The following LHPP variants were observed in gnomAD, a reference collection of about 807,000 sequenced individuals.
The protein encoded by LHPP is phospholysine phosphohistidine inorganic pyrophosphate phosphatase.
In LHPP, 24 loss-of-function variants were observed where a neutral mutation model predicts 30.3. The ratio of observed to expected loss-of-function variants is 0.79; its 90% confidence interval spans 0.57 to 1.11. The LOEUF is 1.11. Among genes scored for constraint, LHPP ranks in the 50% most tolerant of loss-of-function variants. The probability of loss-of-function intolerance (pLI) is 0.00; values close to 1 mark genes in which losing one functional copy is unlikely to be tolerated. For missense variants in LHPP, 356 were observed against 367.2 expected, an observed-to-expected ratio of 0.97 and a Z score of 0.25; for synonymous variants, 150 against 157.1, an observed-to-expected ratio of 0.95 and a Z score of 0.34.
chr10:124,506,948 G>A (rs1263811857), intron 5 of LHPP, among the ~76,000 whole-genome samples: 4 of 36,030 alleles, frequency 1.1e-4, no homozygotes, highest in Non-Finnish European at 2.3e-4. Context: ...GGGGGGGTAG[G>A]GAGGATTTCA....
chr10:124,467,291 A>G (rs1053837113), intron 1 of LHPP, among the ~76,000 whole-genome samples: 2 of 150,854 alleles, frequency 1.3e-5, no homozygotes, highest in African/African-American at 2.4e-5. Context: ...AGCAGGACCT[A>G]TGGGACCTGC....
At chr10:124,486,059 C>T (rs2133852080) in intron 2 of LHPP, among the ~76,000 whole-genome samples, 1 of 152,370 alleles carries the variant, frequency 6.6e-6, no homozygotes, top group African/African-American at 2.4e-5. Context: ...CCCCTATACA[C>T]TTCAGCATAT....
At chr10:124,569,607 C>T (rs576244797) in intron 6 of LHPP, among the ~76,000 whole-genome samples, 164 of 152,284 alleles carry the variant, frequency 1.1e-3, no homozygotes, top group Admixed American at 2.5e-3. Context: ...CAGGATTTGC[C>T]GAGTGGCTTA....
In LHPP at chr10:124,496,755, C is replaced by T. The variant is rs533997082; in HGVS notation, c.468-206C>T. 2.4e-4 allele frequency among the ~76,000 whole-genome samples: 37 copies of T among 152,360 alleles called. No individual in the cohort carries two copies. Among genetic ancestry groups the T allele is most frequent in the Admixed American group, 6.5e-4 (10 of 15,306 alleles). On this transcript the variant is annotated intron_variant, in intron 3 of 6. Coordinates refer to ENST00000368842, the MANE Select transcript of LHPP (RefSeq NM_022126.4). This position sits in a 1 kb window ranked among gnomAD's most constrained non-coding sequence, Gnocchi z 4.3. ...CCCTGGAGCTGCTGGCTGCTGCGCT[C>T]GCCCCACTGGGTGTGGCGGCCTGCC...
At chr10:124,529,791 G>GCACA (rs749636848) in intron 6 of LHPP, among the ~76,000 whole-genome samples, 11 of 111,984 alleles carry the variant, frequency 9.8e-5, no homozygotes, top group Admixed American at 5.5e-4. Context: ...ACCAGCTCAT[G>GCACA]CACATACACA....
At chr10:124,588,382 C>T (rs563188962) in intron 6 of LHPP, among the ~76,000 whole-genome samples, 1 of 152,082 alleles carries the variant, frequency 6.6e-6, no homozygotes, top group Admixed American at 6.5e-5. Context: ...TTCTCCAGTT[C>T]AAGTGATTCT....
At chr10:124,554,125 G>A (rs1333575837) in intron 6 of LHPP, 19 of 932,452 alleles carry the variant, frequency 2.0e-5, no homozygotes, top group Non-Finnish European at 2.2e-5. Context: ...CAGCTGGGAC[G>A]ACCTGGGCCA....
At chr10:124,474,775 G>A (rs376583681) in intron 1 of LHPP, among the ~76,000 whole-genome samples, 3 of 152,242 alleles carry the variant, frequency 2.0e-5, no homozygotes, top group East Asian at 1.9e-4. Flanking sequence ...GTCACCGGGC[G>A]CTGCTGTAGC....
At chr10:124,611,100 T>C (rs1234116237) in intron 6 of LHPP, among the ~76,000 whole-genome samples, 1 of 151,534 alleles carries the variant, frequency 6.6e-6, no homozygotes, top group Non-Finnish European at 1.5e-5. Flanking sequence ...CCTACTTTGG[T>C]GTGTGCTCAT....
intron 6 of LHPP, among the ~76,000 whole-genome samples, chr10:124,547,251 C>A (rs1172587511): frequency 1.3e-5 from 2 of 152,170 alleles, no homozygotes; most frequent in African/African-American, 4.8e-5. Context: ...TTCCTGCAGT[C>A]CCCTGTTAAC....
At chr10:124,529,394 C>T (rs933897760) in intron 6 of LHPP, among the ~76,000 whole-genome samples, 32 of 151,992 alleles carry the variant, frequency 2.1e-4, no homozygotes, top group African/African-American at 7.2e-4. Context: ...CCACCACTCA[C>T]GAGCAGCCCA....
At chr10:124,612,631 A>G (rs1949216929) in intron 6 of LHPP, among the ~76,000 whole-genome samples, 1 of 152,194 alleles carries the variant, frequency 6.6e-6, no homozygotes, top group South Asian at 2.1e-4. Context: ...AGACCTCAGG[A>G]GATGCCTGGG....
At chr10:124,548,346 C>G (rs1264032611) in intron 6 of LHPP, among the ~76,000 whole-genome samples, 1 of 152,172 alleles carries the variant, frequency 6.6e-6, no homozygotes, top group Non-Finnish European at 1.5e-5. Context: ...CTCTTTCTAC[C>G]CGGAACCCCC....
chr10:124,565,539 G>T (rs1159710181), intron 6 of LHPP, among the ~76,000 whole-genome samples: 1 of 152,170 alleles, frequency 6.6e-6, no homozygotes, highest in African/African-American at 2.4e-5. Context: ...ATCAATAGCT[G>T]TGCAGCCTAG....
intron 3 of LHPP, among the ~76,000 whole-genome samples, chr10:124,495,864 G>A (rs1257075671): frequency 6.6e-6 from 1 of 152,204 alleles, no homozygotes; most frequent in Non-Finnish European, 1.5e-5. Context: ...AATCCGTGAG[G>A]TAGGTATTGT....
chr10:124,485,604 G>T (rs1589777191), intron 2 of LHPP, among the ~76,000 whole-genome samples: 2 of 149,614 alleles, frequency 1.3e-5, no homozygotes, highest in Non-Finnish European at 1.5e-5. Flanking sequence ...AATAGTTTTG[G>T]TTTTTTTTTT....
intron 1 of LHPP, among the ~76,000 whole-genome samples, chr10:124,480,316 A>G (rs2133839271): frequency 6.6e-6 from 1 of 152,312 alleles, no homozygotes; most frequent in African/African-American, 2.4e-5. Context: ...TAAAACTAGC[A>G]CTTGATATTA....
chr10:124,555,871 G>A (rs1948289725), intron 6 of LHPP, among the ~76,000 whole-genome samples: 1 of 152,082 alleles, frequency 6.6e-6, no homozygotes, highest in Admixed American at 6.6e-5. Flanking sequence ...TTACCTTGCT[G>A]AACCTGCACC....
chr10:124,517,291 A>T lies in LHPP; in HGVS notation c.716+20A>T. On this transcript the variant is annotated intron_variant, in intron 6 of 6. Coordinates refer to ENST00000368842, the MANE Select transcript of LHPP (RefSeq NM_022126.4). The surrounding 1 kb of genome is among the most constrained non-coding windows in gnomAD (Gnocchi z 4.1). ...GTTCAGGTCAGTGCCAGCTGGAGTC[A>T]TTTATTCACCTTCCTTCCAGGGGAT... 6.7e-7 allele frequency: 1 copy of T among 1,501,566 alleles called. No individual in the cohort carries two copies. The highest frequency in any genetic ancestry group is 1.2e-5 in the South Asian group (1 of 80,940). The allele number at this position is 1,501,566 out of a possible 1,614,324, so 93.0% of individuals were successfully genotyped here.
Sources: allele counts gnomAD v4.1 joint callset (sites outside exome capture counted in the v4.1 genomes callset), GRCh38; gene constraint gnomAD v4.1.1; non-coding constraint Gnocchi (gnomAD v3.1); transcripts MANE v1.5; gene names NCBI Gene and HGNC (gene_info 2026-07-23, HGNC 2026-07-21).